HIP1R: variants seen among roughly 807,000 people sequenced by gnomAD.
The protein encoded by HIP1R is huntingtin interacting protein 1 related, also known as huntingtin-interacting protein 1-related protein.
HIP1R carries 135 observed loss-of-function variants against 144.2 expected under a neutral mutation model. The observed-to-expected ratio is 0.94, with a 90% CI of 0.81 to 1.08. The LOEUF is 1.08. Ranked by LOEUF, HIP1R falls within the 50% of genes least tolerant of loss-of-function variation. The probability of loss-of-function intolerance (pLI) is 0.00; values close to 1 mark genes in which losing one functional copy is unlikely to be tolerated. For missense variants in HIP1R, 1,462 were observed against 1,432.8 expected (o/e 1.02, Z -0.33); for synonymous variants, 698 against 612.8 (o/e 1.14, Z -2.05).
chr12:122,848,045 C>T lies in HIP1R; in HGVS notation c.108C>T (p.Ser36=). ...GTCCCTCACAGGCCATCAGCATCAG[C>T]AAAGCCATCAACACCCAGGAGGCCC... ...QFDKTQAISI[S]KAINTQEAPV... Residue 36 remains serine (S), a synonymous_variant, in exon 2 of 32, where the codon AGC becomes AGT. Transcript: ENST00000253083. 1 of 1,613,670 alleles carries T rather than the reference C, an allele frequency of 6.2e-7. No homozygotes were observed. Among genetic ancestry groups the T allele is most frequent in the Middle Eastern group, 1.7e-4 (1 of 6,060 alleles).
chr12:122,859,732 C>T lies in HIP1R; in HGVS notation c.2407-40C>T, dbSNP rs1197110980. ...CCTGGCTTTCCCAGGACCACGGTCC[C>T]CTCCTCCCAGCCAGCTCACGGCTCT... On this transcript the variant is annotated intron_variant, in intron 23 of 31. Transcript: ENST00000253083. The T allele has an allele frequency of 3.1e-6, 5 of 1,604,884 alleles. No homozygotes were observed. In the Admixed American group the frequency reaches 6.7e-5, roughly 22 times the overall value.
rs763543746 is a variant in HIP1R at position 122,860,050 on chromosome 12, C to A, written c.2469C>A (p.Ile823=). Residue 823 remains isoleucine (I), a synonymous_variant, in exon 25 of 32, where the codon ATC becomes ATA. Coordinates refer to ENST00000253083, the MANE Select transcript of HIP1R (RefSeq NM_003959.3). ...SGVKLEVNER[I]LNSCTDLMKA... ...AGTCTCTCCTTCTCTCCCCCAGGAT[C>A]CTCAACTCCTGCACAGACCTGATGA... 1.3e-6 allele frequency: 2 copies of A among 1,557,636 alleles called. No homozygotes were observed. The highest frequency in any genetic ancestry group is 2.4e-5 in the South Asian group (2 of 82,372).
Position 122,850,822 on chromosome 12 carries a change from G to T in HIP1R, c.439-13G>T, listed in dbSNP as rs1252912750. On this transcript the variant is annotated splice_polypyrimidine_tract_variant and intron_variant, in intron 5 of 31. Coordinates refer to ENST00000253083, the MANE Select transcript of HIP1R (RefSeq NM_003959.3). ...CTGGTTCAGTGGCCGCTGGGTGGGG[G>T]TTCTCTCCACAGCATCCCCAGTTTC... The T allele has an allele frequency of 5.6e-6, 9 of 1,604,902 alleles. No individual in the cohort carries two copies. The highest frequency in any genetic ancestry group is 4.0e-5 in the African/African-American group (3 of 74,386).
In HIP1R at chr12:122,835,601, C is replaced by T. The variant is rs2032860964; in HGVS notation, c.51C>T (p.Gly17=). 2.2e-6 allele frequency: 3 copies of T among 1,337,544 alleles called. No homozygotes were observed. The highest frequency in any genetic ancestry group is 1.9e-6 in the Non-Finnish European group (2 of 1,035,360). The allele number at this position is 1,337,544 out of a possible 1,614,324, so 82.9% of individuals were successfully genotyped here. Reference sequence around the variant, plus strand: ...CGCGGGTGCTGAGCCGCAGGCCGGGCCACAGCCTGGAGGCCGAGCGCGAGC... The same window carrying T: ...CGCGGGTGCTGAGCCGCAGGCCGGGTCACAGCCTGGAGGCCGAGCGCGAGC... The part of the protein sequence containing the change: ...VPARVLSRRP[G]HSLEAEREQF... The change falls in exon 1 of 32, where the codon GGC becomes GGT. Residue 17 remains glycine (G), a synonymous_variant. Coordinates refer to ENST00000253083, the MANE Select transcript of HIP1R (RefSeq NM_003959.3).
At chr12:122,848,435 T>G in intron 2 of HIP1R, 31 bp from the exon 3 acceptor site, 3 of 1,591,534 alleles carry the variant, frequency 1.9e-6, no homozygotes, top group Non-Finnish European at 2.6e-6. Flanking sequence ...TGCTCCAGTC[T>G]CTGCTTCCAC....
chr12:122,860,673 C>G lies in HIP1R; in HGVS notation c.2661-6C>G, dbSNP rs765680533. 1.7e-5 allele frequency: 28 copies of G among 1,612,524 alleles called. No homozygotes were observed. Among genetic ancestry groups the G allele is most frequent in the Non-Finnish European group, 2.4e-5 (28 of 1,179,208 alleles). ...ACCCTGGCCCTGACTGGCCCTTGAC[C>G]CGCAGGGAGGCAGCTGACAAGGTGG... is the stretch of plus-strand genomic sequence containing the variant. On this transcript the variant is annotated splice_region_variant and splice_polypyrimidine_tract_variant and intron_variant, in intron 27 of 31. Transcript: ENST00000253083.
intron 12 of HIP1R, 107 bp from the exon 13 acceptor site, chr12:122,855,724 G>A: frequency 6.6e-7 from 1 of 1,503,978 alleles, no homozygotes; most frequent in South Asian, 1.2e-5. Flanking sequence ...ATGAACCCGT[G>A]AGGTGCCCAA....
rs780470705 is a variant in HIP1R, at chr12:122,858,887, G to A, written c.2100G>A (p.Ala700=). 7 of 1,613,278 alleles carry A rather than the reference G, an allele frequency of 4.3e-6. No homozygotes were observed. Among genetic ancestry groups the A allele is most frequent in the African/African-American group, 1.3e-5 (1 of 75,038 alleles). ...AALTRFSHLA[A]DTIINGGATS... Reference sequence around the variant, plus strand: ...TGACCCGCTTCTCCCACCTGGCTGCGGATACCATCATCAATGGCGGTGCCA... The same window carrying A: ...TGACCCGCTTCTCCCACCTGGCTGCAGATACCATCATCAATGGCGGTGCCA... The change falls in exon 21 of 32, where the codon GCG becomes GCA. Residue 700 remains alanine (A), a synonymous_variant. Transcript: ENST00000253083.
At chr12:122,851,143 C>T (rs886363057) in intron 6 of HIP1R, 93 bp from the exon 7 acceptor site, 19 of 1,140,414 alleles carry the variant, frequency 1.7e-5, no homozygotes, top group Admixed American at 1.1e-4. Flanking sequence ...ATGGTGTCGG[C>T]GGTGCCCCCG....
rs1279300453 is a variant in HIP1R, at chr12:122,854,911, C to T, written c.725C>T (p.Pro242Leu). 1.9e-6 allele frequency: 3 copies of T among 1,612,716 alleles called. No individual in the cohort carries two copies. Among genetic ancestry groups the T allele is most frequent in the South Asian group, 1.1e-5 (1 of 91,076 alleles). ...CACTTGTGCCACCCTCCAGGTCTCC[C>T]TGCGGACACCCTGCAAGGCCACAGG... ...KLLFKLHSCL[P>L]ADTLQGHRDR... Residue 242 changes from proline to leucine, a missense_variant, in exon 9 of 32, where the codon CCT becomes CTT. Physicochemically the swap from Pro to Leu is moderately conservative, Grantham distance 98. This residue lies in a region of HIP1R where 350 missense variants were observed against 421.1 expected (regional missense o/e 0.83). Coordinates refer to ENST00000253083, the MANE Select transcript of HIP1R (RefSeq NM_003959.3).
rs1193504030 is a variant in HIP1R, at chr12:122,836,523, T to G, written c.93+880T>G. ...TTCTGGTTTCCTGTTGCTTTTTATT[T>G]TACAAACTCTTGAAGTGCTCTCAGG... On this transcript the variant is annotated intron_variant, in intron 1 of 31. Transcript: ENST00000253083. The surrounding 1 kb of genome is among the most constrained non-coding windows in gnomAD (Gnocchi z 4.1). Among the ~76,000 whole-genome samples, 6 of 152,130 alleles carry G rather than the reference T, an allele frequency of 3.9e-5. No individual in the cohort carries two copies. Among genetic ancestry groups the G allele is most frequent in the Non-Finnish European group, 7.3e-5 (5 of 68,038 alleles).
In HIP1R at chr12:122,857,272, C is replaced by T. The variant is rs748952540; in HGVS notation, c.1815+57C>T. On this transcript the variant is annotated intron_variant, in intron 18 of 31. Coordinates refer to ENST00000253083, the MANE Select transcript of HIP1R (RefSeq NM_003959.3). ...GAGTTCACTGCCGTCTGGCAACCATCGATCTGTCTCCGTGATCTGCCTGTT... is the reference window on the plus strand; with the variant it reads ...GAGTTCACTGCCGTCTGGCAACCATTGATCTGTCTCCGTGATCTGCCTGTT... 4.4e-5 allele frequency: 64 copies of T among 1,462,728 alleles called. No homozygotes were observed. The African/African-American group carries it at 5.9e-4, about 13-fold the overall frequency. 90.6% of individuals were successfully genotyped at this position (1,462,728 alleles called of 1,614,324 possible). A position where few individuals can be genotyped will look rare whatever the true frequency, so the allele number is the denominator to read the frequency against.
rs200261764 is a variant in HIP1R at position 122,855,125 on chromosome 12, C to G, written c.849C>G (p.Pro283=). The change falls in exon 10 of 32, where the codon CCC becomes CCG. Residue 283 remains proline, a synonymous_variant. Transcript: ENST00000253083. ...FKRLIQIPRL[P]EGPPNFLRAS... ...GGCTCATCCAGATCCCCCGGCTGCC[C>G]GAGGTACCACCCCCAAGAGGGCCCC... is the stretch of plus-strand genomic sequence containing the variant. 1.2e-6 allele frequency: 2 copies of G among 1,613,568 alleles called. No homozygotes were observed. Among genetic ancestry groups the G allele is most frequent in the Non-Finnish European group, 1.7e-6 (2 of 1,180,010 alleles).
chr12:122,858,063 GGA>G, intron 18 of HIP1R, 37 bp from the exon 19 acceptor site: 1 of 1,471,098 alleles, frequency 6.8e-7, no homozygotes. Flanking sequence ...TTGGCCTTGG[GGA>G]GGATCTCTAA....
At chr12:122,852,830 T>TA (rs1385103613) in intron 7 of HIP1R, among the ~76,000 whole-genome samples, 1 of 152,170 alleles carries the variant, frequency 6.6e-6, no homozygotes, top group African/African-American at 2.4e-5. Context: ...AGCATGGACA[T>TA]ACGTGTTGAA....
chr12:122,848,655 C>T (rs1327226862), intron 3 of HIP1R, 47 bp downstream of exon 3: 5 of 1,596,812 alleles, frequency 3.1e-6, no homozygotes, highest in African/African-American at 1.3e-5. Context: ...GGGCACTGTC[C>T]CGCGGACATG....
In HIP1R at chr12:122,854,158, C is replaced by G. The variant is rs1342710657; in HGVS notation, c.693C>G (p.Val231=). The G allele has an allele frequency of 5.0e-6, 8 of 1,613,712 alleles. No homozygotes were observed. The highest frequency in any genetic ancestry group is 6.8e-6 in the Non-Finnish European group (8 of 1,179,906). ...QDCSHLYHYT[V]KLLFKLHSCL... ...GCAGCCACCTCTACCACTACACGGT[C>G]AAGCTCCTGTTCAAGCTACACTCTT... Residue 231 remains valine (V), a synonymous_variant, in exon 8 of 32, where the codon GTC becomes GTG. Coordinates refer to ENST00000253083, the MANE Select transcript of HIP1R (RefSeq NM_003959.3).
At chr12:122,851,128 G>A (rs2033381077) in intron 6 of HIP1R, 108 bp from the exon 7 acceptor site, 1 of 1,033,946 alleles carries the variant, frequency 9.7e-7, no homozygotes, top group Non-Finnish European at 1.4e-6. Flanking sequence ...TGTCTCACCA[G>A]AGCCATGGTG....
At chr12:122,850,144 T>G (rs1204937612) in intron 5 of HIP1R, 189 bp downstream of exon 5, 1 of 693,624 alleles carries the variant, frequency 1.4e-6, no homozygotes, top group Admixed American at 2.0e-5. Context: ...CCTAGAACAC[T>G]TCAGGCATTT....
Sources: allele counts gnomAD v4.1 joint callset (sites outside exome capture counted in the v4.1 genomes callset), GRCh38; gene constraint gnomAD v4.1.1; regional missense constraint gnomAD v4.1.1; non-coding constraint Gnocchi (gnomAD v3.1); transcripts MANE v1.5; gene names NCBI Gene and HGNC (gene_info 2026-07-23, HGNC 2026-07-21).